The following ZNF736 variants were observed in gnomAD, a reference collection of about 807,000 sequenced individuals.
ZNF736 encodes the protein zinc finger protein 736.
In ZNF736, 6 loss-of-function variants were observed where a neutral mutation model predicts 11.7. The ratio of observed to expected loss-of-function variants is 0.51; its 90% CI spans 0.28 to 1.01. The LOEUF (loss-of-function observed/expected upper bound fraction) is 1.01, where lower values mean the gene tolerates loss of function less well. ZNF736 is among the 50% of genes least tolerant of loss of function. ZNF736 has a pLI of 0.09. For synonymous variants in ZNF736, 139 were observed against 164.7 expected (o/e 0.84, Z 1.19); for missense variants, 444 against 496.0 (o/e 0.90, Z 1.00).
intron 1 of ZNF736, among the ~76,000 whole-genome samples, chr7:64,324,794 T>C (rs949663019): frequency 2.0e-5 from 3 of 152,218 alleles, no homozygotes; most frequent in African/African-American, 4.8e-5. Context: ...CAAATTAGTC[T>C]TTCCACTAAC....
chr7:64,349,287 C>A lies in ZNF736; in HGVS notation c.*140C>A, dbSNP rs1046160202. On this transcript the variant is annotated 3_prime_UTR_variant, in exon 4 of 4. Coordinates refer to ENST00000423484, the MANE Select transcript of ZNF736 (RefSeq NM_001170905.3). ...GGTCTCTAAGAACTTACTTTATAAT[C>A]TGGTTGCTTATATGTTGGGTACATA... is the stretch of plus-strand genomic sequence containing the variant. The A allele has an allele frequency of 2.5e-6, 2 of 790,110 alleles. No individual in the cohort carries two copies. Among genetic ancestry groups the A allele is most frequent in the South Asian group, 4.5e-5 (2 of 44,704 alleles). 48.9% of individuals were successfully genotyped at this position (790,110 alleles called of 1,614,324 possible). A position where few individuals can be genotyped will look rare whatever the true frequency, so the allele number is the denominator to read the frequency against.
chr7:64,321,616 A>G (rs1221997974), intron 1 of ZNF736, among the ~76,000 whole-genome samples: 1 of 152,208 alleles, frequency 6.6e-6, no homozygotes, highest in Non-Finnish European at 1.5e-5. Flanking sequence ...CAGCTCAAGC[A>G]AAGTCTTGAC....
chr7:64,322,210 T>C (rs1206672401), intron 1 of ZNF736, among the ~76,000 whole-genome samples: 1 of 152,190 alleles, frequency 6.6e-6, no homozygotes, highest in Non-Finnish European at 1.5e-5. Flanking sequence ...CCCTCTTCTT[T>C]TTACCGCTTG....
At chr7:64,332,228 C>T (rs1230916717) in intron 1 of ZNF736, among the ~76,000 whole-genome samples, 5 of 152,132 alleles carry the variant, frequency 3.3e-5, no homozygotes, top group Non-Finnish European at 7.4e-5. Context: ...GGGGAACCTG[C>T]CCCCAGTCTT....
chr7:64,336,947 A>G lies in ZNF736; in HGVS notation c.191A>G (p.Lys64Arg). The change falls in exon 3 of 4, where the codon AAA (lysine) becomes AGA (arginine). Residue 64 changes from lysine to arginine, a missense_variant. Lys to Arg is a conservative substitution (Grantham distance 26). Transcript: ENST00000423484. ...CTGGAGCAAAGAAAAGAGCCTTGGA[A>G]AGTGAAGAGACAGGAGGCAGTAGCC... ...TCLEQRKEPW[K>R]VKRQEAVAKH... 1 of 1,605,188 alleles carries G rather than the reference A, an allele frequency of 6.2e-7. No homozygotes were observed.
chr7:64,345,268 C>T lies in ZNF736; in HGVS notation c.227-2822C>T, dbSNP rs192076654. Among the ~76,000 whole-genome samples, 169 of 151,418 alleles carry T rather than the reference C, an allele frequency of 1.1e-3. 1 individual carries two copies. The highest frequency in any genetic ancestry group is 3.6e-3 in the African/African-American group (151 of 41,406). On this transcript the variant is annotated intron_variant, in intron 3 of 3. Coordinates refer to ENST00000423484, the MANE Select transcript of ZNF736 (RefSeq NM_001170905.3). ...CGATCTCCTGATCTCATGATCTGCC[C>T]GCCTCGGCCTCCCAAAGTGCTGGGA...
At chr7:64,331,612 G>A (rs1789168330) in intron 1 of ZNF736, among the ~76,000 whole-genome samples, 1 of 152,160 alleles carries the variant, frequency 6.6e-6, no homozygotes, top group African/African-American at 2.4e-5. Flanking sequence ...TTGCTGGAGG[G>A]TGCTATTTAG....
At chr7:64,333,990 C>T (rs992381941) in intron 1 of ZNF736, among the ~76,000 whole-genome samples, 3 of 152,140 alleles carry the variant, frequency 2.0e-5, no homozygotes, top group Non-Finnish European at 2.9e-5. Flanking sequence ...AATAACACCA[C>T]ACATATACAA....
In ZNF736 at chr7:64,336,372, C is replaced by T. The variant is rs1439282723; in HGVS notation, c.117C>T (p.Asn39=). 2.6e-5 allele frequency: 42 copies of T among 1,612,168 alleles called. No homozygotes were observed. Among genetic ancestry groups the T allele is most frequent in the Non-Finnish European group, 3.6e-5 (42 of 1,179,174 alleles). ...ATGTGATGTTAGAGAACTATGGAAA[C>T]CTGGTCTCCTTGGGTGAGAATAACT... is the stretch of plus-strand genomic sequence containing the variant. ...YRDVMLENYG[N]LVSLGLAIFK... The change falls in exon 2 of 4, where the codon AAC becomes AAT. Residue 39 remains asparagine, a synonymous_variant. Coordinates refer to ENST00000423484, the MANE Select transcript of ZNF736 (RefSeq NM_001170905.3).
rs1453729966 is a variant in ZNF736, at chr7:64,349,223, A to G, written c.*76A>G. 2 of 1,210,134 alleles carry G rather than the reference A, an allele frequency of 1.7e-6. No individual in the cohort carries two copies. The highest frequency in any genetic ancestry group is 2.2e-6 in the Non-Finnish European group (2 of 891,382). 75.0% of individuals were successfully genotyped at this position (1,210,134 alleles called of 1,614,324 possible). A position where few individuals can be genotyped will look rare whatever the true frequency, so the allele number is the denominator to read the frequency against. On this transcript the variant is annotated 3_prime_UTR_variant, in exon 4 of 4. Coordinates refer to ENST00000423484, the MANE Select transcript of ZNF736 (RefSeq NM_001170905.3). ...ATTTAATACTGAACAAATGCAGTATAAATGTAATGACAGTGGAAGAACATT... is the reference window on the plus strand; with the variant it reads ...ATTTAATACTGAACAAATGCAGTATGAATGTAATGACAGTGGAAGAACATT...
chr7:64,334,285 A>C (rs1789215178), intron 1 of ZNF736, among the ~76,000 whole-genome samples: 1 of 152,232 alleles, frequency 6.6e-6, no homozygotes, highest in African/African-American at 2.4e-5. Flanking sequence ...CAAAAGCCAA[A>C]ATTGACAAAT....
intron 1 of ZNF736, 53 bp from the exon 2 acceptor site, chr7:64,336,206 T>C: frequency 1.9e-6 from 3 of 1,575,458 alleles, no homozygotes; most frequent in Non-Finnish European, 2.6e-6. Context: ...TTACCTGATG[T>C]CAAATCAAGA....
In ZNF736 at chr7:64,348,506, A is replaced by G; in HGVS notation, c.643A>G (p.Asn215Asp). 1.9e-6 allele frequency: 3 copies of G among 1,568,560 alleles called. No homozygotes were observed. Among genetic ancestry groups the G allele is most frequent in the South Asian group, 1.2e-5 (1 of 86,224 alleles). Residue 215 changes from asparagine (N) to aspartate (D), a missense_variant, in exon 4 of 4, where the codon AAC (asparagine) becomes GAC (aspartate). Coordinates refer to ENST00000423484, the MANE Select transcript of ZNF736 (RefSeq NM_001170905.3). ...TGGCAAAGCGTTTAAAAAGTTTTCA[A>G]ACCTTACTGAACATAAGAGAGTTCA... The part of the protein sequence containing the change: ...ECGKAFKKFS[N>D]LTEHKRVHTG...
chr7:64,321,928 G>A (rs917759629), intron 1 of ZNF736, among the ~76,000 whole-genome samples: 2 of 152,142 alleles, frequency 1.3e-5, no homozygotes, highest in South Asian at 2.1e-4. Context: ...TTTTTAATAC[G>A]GTTTATAAAG....
chr7:64,316,194 C>A (rs530593095), intron 1 of ZNF736, among the ~76,000 whole-genome samples: 2 of 152,372 alleles, frequency 1.3e-5, no homozygotes, highest in East Asian at 3.9e-4. Flanking sequence ...AGAGAAGAGC[C>A]TGAGGCATTG....
intron 3 of ZNF736, among the ~76,000 whole-genome samples, chr7:64,347,459 C>T (rs573474831): frequency 2.0e-5 from 3 of 152,122 alleles, no homozygotes; most frequent in African/African-American, 7.2e-5. Flanking sequence ...CATCTGACCT[C>T]AGGTGGTCCG....
At chr7:64,336,603 A>T (rs1375685541) in intron 2 of ZNF736, among the ~76,000 whole-genome samples, 1 of 152,172 alleles carries the variant, frequency 6.6e-6, no homozygotes, top group African/African-American at 2.4e-5. Flanking sequence ...TTCAGTCTAA[A>T]TTAGTGGTAA....
Position 64,348,287 on chromosome 7 carries a change from A to C in ZNF736, c.424A>C (p.Ser142Arg), listed in dbSNP as rs147634870. The change falls in exon 4 of 4, where the codon AGC becomes CGC. Residue 142 changes from serine to arginine, a missense_variant. Transcript: ENST00000423484. ...TCATCAATGTTTGTCAGCTACCCATAGCAAAACCTGTCAATGTAATAAATG... is the reference window on the plus strand; with the variant it reads ...TCATCAATGTTTGTCAGCTACCCATCGCAAAACCTGTCAATGTAATAAATG... ...GLHQCLSATHSKTCQCNKCGR... is the reference protein window; with the variant it reads ...GLHQCLSATHRKTCQCNKCGR... 1,846 of 1,551,962 alleles carry C rather than the reference A, an allele frequency of 1.2e-3. 28 individuals carry two copies. The African/African-American group carries it at 0.021, about 17-fold the overall frequency.
rs1584280069 is a variant in ZNF736, at chr7:64,353,435, C to T, written c.*4288C>T. 2.6e-5 allele frequency: 4 copies of T among 152,186 alleles called. No individual in the cohort carries two copies. Among genetic ancestry groups the T allele is most frequent in the Admixed American group, 2.0e-4 (3 of 15,274 alleles). The allele number at this position is 152,186 out of a possible 1,614,324, so 9.4% of individuals were successfully genotyped here. On this transcript the variant is annotated 3_prime_UTR_variant, in exon 4 of 4. Coordinates refer to ENST00000423484, the MANE Select transcript of ZNF736 (RefSeq NM_001170905.3). ...TCTAGCTGCTTCTAGTCAGCAATCTCGATCACTTTTCTCTAAAGGGAACCT... is the reference window on the plus strand; with the variant it reads ...TCTAGCTGCTTCTAGTCAGCAATCTTGATCACTTTTCTCTAAAGGGAACCT...
Sources: allele counts gnomAD v4.1 joint callset (sites outside exome capture counted in the v4.1 genomes callset), GRCh38; gene constraint gnomAD v4.1.1; transcripts MANE v1.5; gene names NCBI Gene and HGNC (gene_info 2026-07-23, HGNC 2026-07-21).